Variants in NCMAP observed in about 807,000 individuals in gnomAD.
NCMAP encodes non-compact myelin associated protein.
Under a neutral mutation model 7.8 loss-of-function variants are expected in NCMAP, and 8 were observed. The ratio of observed to expected loss-of-function variants is 1.02; its 90% CI spans 0.60 to 1.84. The LOEUF is 1.84. NCMAP is among the 40% of genes most tolerant of loss of function. The pLI is 0.00. For missense variants in NCMAP, 112 were observed against 131.4 expected, an observed-to-expected ratio of 0.85 and a Z score of 0.72; for synonymous variants, 41 against 52.9, an observed-to-expected ratio of 0.78 and a Z score of 0.98.
At chr1:24,605,561 A>G (rs1464742715) in intron 3 of NCMAP, 45 bp from the exon 4 acceptor site, 1 of 1,600,992 alleles carries the variant, frequency 6.2e-7, no homozygotes, top group Non-Finnish European at 8.6e-7. Context: ...TCCCCGCGGC[A>G]TACCAGGGGA....
intron 2 of NCMAP, among the ~76,000 whole-genome samples, chr1:24,596,292 CT>C (rs1435846679): frequency 6.6e-6 from 1 of 151,786 alleles, no homozygotes; most frequent in African/African-American, 2.4e-5. Flanking sequence ...AATATTACTA[CT>C]ACTACGATTG....
At chr1:24,580,554 G>A (rs1435339723) in intron 1 of NCMAP, among the ~76,000 whole-genome samples, 1 of 152,154 alleles carries the variant, frequency 6.6e-6, no homozygotes, top group Non-Finnish European at 1.5e-5. Flanking sequence ...AGGTTCAAGC[G>A]ATTCTCCTGC....
intron 1 of NCMAP, among the ~76,000 whole-genome samples, chr1:24,566,420 AG>A (rs1009404684): frequency 6.6e-6 from 1 of 152,136 alleles, no homozygotes; most frequent in African/African-American, 2.4e-5. Flanking sequence ...AGATATTATG[AG>A]GCTGTCTTTG....
intron 1 of NCMAP, among the ~76,000 whole-genome samples, chr1:24,578,279 A>C (rs1017009458): frequency 1.3e-5 from 2 of 151,858 alleles, no homozygotes; most frequent in African/African-American, 4.8e-5. Flanking sequence ...TACCAAATAA[A>C]CTACCAATGA....
chr1:24,571,202 C>T lies in NCMAP; in HGVS notation c.-8+15033C>T, dbSNP rs576534404. Among the ~76,000 whole-genome samples, 6 of 150,802 alleles carry T rather than the reference C, an allele frequency of 4.0e-5. No individual in the cohort carries two copies. The South Asian group carries it at 1.2e-3, about 31-fold the overall frequency. On this transcript the variant is annotated intron_variant, in intron 1 of 3. Transcript: ENST00000374392. ...TTAAAAAAGTAAAAAGAAGGCTGGG[C>T]ACGGTGGCTCATGCCTGTAATCCTA...
At chr1:24,585,365 T>C (rs1315740881) in intron 1 of NCMAP, among the ~76,000 whole-genome samples, 2 of 152,206 alleles carry the variant, frequency 1.3e-5, no homozygotes, top group African/African-American at 4.8e-5. Context: ...TCATGGAATC[T>C]GCCTCGGTTT....
intron 1 of NCMAP, among the ~76,000 whole-genome samples, chr1:24,571,875 C>T (rs907689995): frequency 7.3e-5 from 11 of 151,076 alleles, no homozygotes; most frequent in East Asian, 1.9e-4. Flanking sequence ...CGTAAGCCAC[C>T]GCGCCTGGAA....
chr1:24,575,802 G>A (rs562824995), intron 1 of NCMAP, among the ~76,000 whole-genome samples: 8 of 151,686 alleles, frequency 5.3e-5, no homozygotes, highest in African/African-American at 1.2e-4. Context: ...AAAATTAGCC[G>A]GGCGTGGTGG....
At chr1:24,556,743 C>T (rs4601529) in intron 1 of NCMAP, among the ~76,000 whole-genome samples, 72,261 of 151,876 alleles carry the variant, frequency 0.48, 18,181 homozygotes, top group African/African-American at 0.62. Context: ...CGGCTCCAGT[C>T]CTCTGGGTAT....
At chr1:24,605,123 GA>G (rs750627166) in intron 3 of NCMAP, among the ~76,000 whole-genome samples, 212 of 134,048 alleles carry the variant, frequency 1.6e-3, no homozygotes, top group East Asian at 0.011. Flanking sequence ...CTCAAAAAAA[GA>G]AAAAAAAAAA....
chr1:24,602,569 CAAAAAA>C (rs10630961), intron 3 of NCMAP, among the ~76,000 whole-genome samples: 6 of 40,068 alleles, frequency 1.5e-4, no homozygotes, highest in African/African-American at 1.5e-4. Flanking sequence ...GACTCCATCT[CAAAAAA>C]AAAAAAAAAA....
chr1:24,561,537 A>C (rs1283042717), intron 1 of NCMAP, among the ~76,000 whole-genome samples: 1 of 152,174 alleles, frequency 6.6e-6, no homozygotes. Context: ...TCCTCCAGCT[A>C]ACAAGCACAG....
intron 2 of NCMAP, among the ~76,000 whole-genome samples, chr1:24,599,248 C>T (rs552641523): frequency 2.1e-5 from 3 of 146,312 alleles, no homozygotes; most frequent in South Asian, 4.4e-4. Flanking sequence ...CCACTGCACT[C>T]CAGCCTGGGC....
intron 1 of NCMAP, among the ~76,000 whole-genome samples, chr1:24,584,251 G>A (rs1029169246): frequency 5.9e-5 from 9 of 152,164 alleles, no homozygotes; most frequent in Non-Finnish European, 1.2e-4. Context: ...GAGGTAGACG[G>A]AAGCCACAGG....
chr1:24,556,408 T>C (rs1442031907), intron 1 of NCMAP, among the ~76,000 whole-genome samples: 1 of 152,158 alleles, frequency 6.6e-6, no homozygotes, highest in Non-Finnish European at 1.5e-5. Context: ...CAGTGGGTCT[T>C]GGAGACGAGG....
At chr1:24,599,002 G>A (rs150337214) in intron 2 of NCMAP, among the ~76,000 whole-genome samples, 1,922 of 151,822 alleles carry the variant, frequency 0.013, 16 homozygotes, top group Middle Eastern at 0.02. Flanking sequence ...ATTGGAGGCC[G>A]GGTGTGGTGG....
chr1:24,596,093 C>T (rs1038227836), intron 2 of NCMAP, among the ~76,000 whole-genome samples: 47 of 152,046 alleles, frequency 3.1e-4, no homozygotes, highest in Non-Finnish European at 8.8e-5. Flanking sequence ...ACCAGCTTGG[C>T]CAAAATAGTG....
intron 1 of NCMAP, among the ~76,000 whole-genome samples, chr1:24,569,760 A>G (rs1307854067): frequency 2.0e-5 from 3 of 150,700 alleles, no homozygotes; most frequent in Non-Finnish European, 1.5e-5. Flanking sequence ...TATACAAATA[A>G]AAGCTTACTT....
At chr1:24,569,441 T>G (rs1651325793) in intron 1 of NCMAP, among the ~76,000 whole-genome samples, 1 of 148,248 alleles carries the variant, frequency 6.7e-6, no homozygotes, top group Non-Finnish European at 1.5e-5. Flanking sequence ...CTCCCCAGAC[T>G]TCACTCCCAT....
Sources: allele counts gnomAD v4.1 joint callset (sites outside exome capture counted in the v4.1 genomes callset), GRCh38; gene constraint gnomAD v4.1.1; transcripts MANE v1.5; gene names NCBI Gene and HGNC (gene_info 2026-07-23, HGNC 2026-07-21).